The following GRIP2 variants were observed in gnomAD, a reference collection of about 807,000 sequenced individuals.
GRIP2 encodes the protein glutamate receptor interacting protein 2.
A neutral mutation model predicts 108.3 loss-of-function variants in GRIP2; 58 were observed. The ratio of observed to expected loss-of-function variants is 0.54; its 90% CI spans 0.43 to 0.67. GRIP2 has a LOEUF of 0.67. Among genes scored for constraint, GRIP2 ranks in the 30% least tolerant of loss-of-function variants. The pLI, the probability that GRIP2 is intolerant of heterozygous loss-of-function variation, is 0.00. For synonymous variants in GRIP2, 586 were observed against 598.2 expected (o/e 0.98, Z 0.30); for missense variants, 1,278 against 1,430.6 (o/e 0.89, Z 1.72).
chr3:14,519,808 G>C (rs1694354251), intron 9 of GRIP2, among the ~76,000 whole-genome samples: 1 of 152,208 alleles, frequency 6.6e-6, no homozygotes, highest in Non-Finnish European at 1.5e-5. Flanking sequence ...GAGTAGCAGA[G>C]AGCACAGGAC....
chr3:14,571,952 G>C, the GRIP2 span, among the ~76,000 whole-genome samples: 3 of 152,226 alleles, frequency 2.0e-5, no homozygotes, highest in African/African-American at 7.2e-5. Flanking sequence ...AGACGCTGCT[G>C]GTGGTGATGT....
chr3:14,530,861 A>C (rs575366785), intron 1 of GRIP2: 1 of 152,374 alleles, frequency 6.6e-6, no homozygotes, highest in African/African-American at 2.4e-5. Flanking sequence ...TTTGTGTTAC[A>C]AACAATCCAA....
Position 14,524,675 on chromosome 3 carries a change from G to A in GRIP2, c.258-137C>T, listed in dbSNP as rs78442940. 6.7e-3 allele frequency: 6,611 copies of A among 988,714 alleles called. 39 individuals carry two copies. The highest frequency in any genetic ancestry group is 8.4e-3 in the Non-Finnish European group (5,712 of 679,856). 61.2% of individuals were successfully genotyped at this position (988,714 alleles called of 1,614,324 possible). A position where few individuals can be genotyped will look rare whatever the true frequency, so the allele number is the denominator to read the frequency against. On this transcript the variant is annotated intron_variant, in intron 3 of 23. Transcript: ENST00000621039. ...AAATGGGGAAGCTGAGGCTTAGAGA[G>A]GTCAGACAGTTGTCCAGGGTCACAC...
intron 23 of GRIP2, 131 bp from the exon 24 acceptor site, chr3:14,493,957 C>A: frequency 1.2e-6 from 1 of 818,178 alleles, no homozygotes; most frequent in Admixed American, 3.2e-5. Flanking sequence ...ATCACCAGCA[C>A]CACACACAGA....
chr3:14,537,342 G>A (rs1370210897), intron 1 of GRIP2, among the ~76,000 whole-genome samples: 27 of 152,138 alleles, frequency 1.8e-4, no homozygotes, highest in Admixed American at 1.7e-3. Context: ...CACGCACCCT[G>A]TACCTCCACA....
Position 14,505,784 on chromosome 3 carries a change from A to T in GRIP2, c.2404T>A (p.Tyr802Asn), listed in dbSNP as rs766725365. The T allele has an allele frequency of 6.5e-7, 1 of 1,532,100 alleles. No homozygotes were observed. Among genetic ancestry groups the T allele is most frequent in the Non-Finnish European group, 8.8e-7 (1 of 1,141,056 alleles). The allele number at this position is 1,532,100 out of a possible 1,614,324, so 94.9% of individuals were successfully genotyped here. ...CCCCGGGCTGCTGCCTGTGGTGTAT[A>T]GGACCCTGGTGGTGGAGAGAGGGCC... ...TEGGFGGPGSYTPQAAARGTT... is the reference protein window; with the variant it reads ...TEGGFGGPGSNTPQAAARGTT... Residue 802 changes from tyrosine to asparagine, a missense_variant, in exon 20 of 24, where the codon TAT becomes AAT. Physicochemically the swap from Tyr to Asn is moderately radical, Grantham distance 143. Transcript: ENST00000621039. This position sits in a 1 kb window ranked among gnomAD's most constrained non-coding sequence, Gnocchi z 4.2.
rs779257631 is a variant in GRIP2, at chr3:14,517,232, A to G, written c.1157-19T>C. The stretch of plus-strand genomic sequence containing the variant: ...GACAAGGCTGGGGAGATGAGAGCAC[A>G]GCCCCGTGAACCCCAGCCGAGGCTC... On this transcript the variant is annotated intron_variant, in intron 10 of 23. Transcript: ENST00000621039. The G allele has an allele frequency of 6.5e-7, 1 of 1,528,494 alleles. No individual in the cohort carries two copies. Among genetic ancestry groups the G allele is most frequent in the East Asian group, 2.4e-5 (1 of 41,506 alleles). 94.7% of individuals were successfully genotyped at this position (1,528,494 alleles called of 1,614,324 possible).
rs573955408 is a variant in GRIP2, at chr3:14,497,942, G to C, written c.2680-1382C>G. Among the ~76,000 whole-genome samples, 130 of 152,294 alleles carry C rather than the reference G, an allele frequency of 8.5e-4. 1 individual carries two copies. Among genetic ancestry groups the C allele is most frequent in the African/African-American group, 2.9e-3 (122 of 41,560 alleles). On this transcript the variant is annotated intron_variant, in intron 21 of 23. Transcript: ENST00000621039. ...CTTCACACTCAGGCTGGGAAATCCA[G>C]AGATGGAGGTGGGGGTGCTGGAGCT...
In GRIP2 at chr3:14,514,448, C is replaced by T. The variant is rs1660125239; in HGVS notation, c.1337G>A (p.Gly446Asp). 2 of 1,577,372 alleles carry T rather than the reference C, an allele frequency of 1.3e-6. No individual in the cohort carries two copies. Among genetic ancestry groups the T allele is most frequent in the African/African-American group, 1.3e-5 (1 of 74,204 alleles). ...GGTCTCCGTGTGCACAATCTGCCCG[C>T]CCGGCCCCACCGTGCTGGAGGCTAG... ...LSLASSTVGP[G>D]GQIVHTETTE... The change falls in exon 12 of 24, where the codon GGC (glycine) becomes GAC (aspartate). Residue 446 changes from glycine to aspartate, a missense_variant. Transcript: ENST00000621039.
chr3:14,573,002 G>T, the GRIP2 span: 6 of 1,474,312 alleles, frequency 4.1e-6, no homozygotes, highest in East Asian at 1.4e-4. Context: ...CCTGAAAGAT[G>T]ATGATCAGGC....
At chr3:14,574,206 G>A in the GRIP2 span, 2 of 869,686 alleles carry the variant, frequency 2.3e-6, no homozygotes, top group East Asian at 2.4e-5. Context: ...GGTGAAGAAG[G>A]GCCTGTGGCT....
the GRIP2 span, chr3:14,572,943 T>C: frequency 7.0e-7 from 1 of 1,420,586 alleles, no homozygotes; most frequent in Non-Finnish European, 9.9e-7. Context: ...GCAGACAGGA[T>C]AGAAGTAGAA....
At chr3:14,572,485 G>A in the GRIP2 span, among the ~76,000 whole-genome samples, 19 of 150,992 alleles carry the variant, frequency 1.3e-4, no homozygotes, top group South Asian at 2.5e-3. Context: ...GGTGGCGGGC[G>A]CCTGTAGTCC....
the GRIP2 span, among the ~76,000 whole-genome samples, chr3:14,566,690 C>G: frequency 6.6e-6 from 1 of 152,194 alleles, no homozygotes; most frequent in Non-Finnish European, 1.5e-5. Context: ...CTAAAAGCTC[C>G]TTTTCACAGC....
At chr3:14,595,087 G>C in the GRIP2 span, among the ~76,000 whole-genome samples, 1 of 151,610 alleles carries the variant, frequency 6.6e-6, no homozygotes, top group African/African-American at 2.4e-5. Context: ...TTGTAGAGAT[G>C]GTGTCTCACT....
At chr3:14,513,438 A>AC in intron 13 of GRIP2, among the ~76,000 whole-genome samples, 1 of 152,140 alleles carries the variant, frequency 6.6e-6, no homozygotes, top group Non-Finnish European at 1.5e-5. Flanking sequence ...CAGCTCCCCA[A>AC]CCCCATCCCC....
At chr3:14,601,835 G>T in the GRIP2 span, among the ~76,000 whole-genome samples, 1 of 152,292 alleles carries the variant, frequency 6.6e-6, no homozygotes, top group Non-Finnish European at 1.5e-5. Flanking sequence ...GGCCCAACCT[G>T]GGGGGCAGAC....
At chr3:14,567,623 C>A in the GRIP2 span, among the ~76,000 whole-genome samples, 1 of 152,156 alleles carries the variant, frequency 6.6e-6, no homozygotes, top group Non-Finnish European at 1.5e-5. Flanking sequence ...GAGGCCCTGG[C>A]AGTGGGAGCA....
intron 4 of GRIP2, chr3:14,524,119 G>A: frequency 1.8e-6 from 1 of 547,556 alleles, no homozygotes; most frequent in South Asian, 2.3e-5. Context: ...GACTTATTCA[G>A]CTAATGCTTC....
Sources: gnomAD v4.1 joint callset for allele counts (sites outside exome capture counted in the v4.1 genomes callset) on GRCh38, gnomAD v4.1.1 for gene constraint, Gnocchi (gnomAD v3.1) non-coding constraint, MANE v1.5 for transcripts, NCBI Gene and HGNC (gene_info 2026-07-23, HGNC 2026-07-21) for gene names.